AGBL3: variants seen among roughly 807,000 people sequenced by gnomAD.
The protein encoded by AGBL3 is AGBL carboxypeptidase 3, also known as cytosolic carboxypeptidase 3.
AGBL3 carries 68 observed loss-of-function variants against 94.5 expected under a neutral mutation model. The ratio of observed to expected loss-of-function variants is 0.72; its 90% CI spans 0.59 to 0.88. The LOEUF is 0.88. AGBL3 is among the 40% of genes least tolerant of loss of function. AGBL3 has a pLI of 0.00. For synonymous variants in AGBL3, 354 were observed against 370.7 expected (o/e 0.95, Z 0.52); for missense variants, 934 against 1,103.8 (o/e 0.85, Z 2.18).
At chr7:135,101,102 C>T in intron 15 of AGBL3, 1 of 448,420 alleles carries the variant, frequency 2.2e-6, no homozygotes, top group South Asian at 1.6e-5. Context: ...GACTCAGAGT[C>T]ATAGCAAAGA....
intron 7 of AGBL3, among the ~76,000 whole-genome samples, 194 bp downstream of exon 7, chr7:135,035,122 C>T (rs767632873): frequency 4.8e-4 from 23 of 48,368 alleles, no homozygotes; most frequent in Non-Finnish European, 9.3e-4. Context: ...ATTCACTAAC[C>T]TCCCCTTAAA....
intron 16 of AGBL3, among the ~76,000 whole-genome samples, chr7:135,123,212 G>A (rs55957404): frequency 0.032 from 4,801 of 152,264 alleles, 246 homozygotes; most frequent in African/African-American, 0.11. Context: ...ATGACCTGGT[G>A]GAGCTGAAAA....
intron 11 of AGBL3, among the ~76,000 whole-genome samples, chr7:135,050,820 C>A (rs1018729462): frequency 3.9e-4 from 59 of 152,030 alleles, no homozygotes; most frequent in African/African-American, 1.2e-3. Flanking sequence ...CAGGGAGTAT[C>A]TTGTAGATAG....
At chr7:135,045,192 C>G (rs1817239661) in intron 9 of AGBL3, among the ~76,000 whole-genome samples, 1 of 152,008 alleles carries the variant, frequency 6.6e-6, no homozygotes, top group Admixed American at 6.6e-5. Context: ...GTGATTATTA[C>G]CACTGTTTCT....
At chr7:135,003,173 T>G (rs1231386444) in intron 4 of AGBL3, among the ~76,000 whole-genome samples, 1 of 152,162 alleles carries the variant, frequency 6.6e-6, no homozygotes, top group Non-Finnish European at 1.5e-5. Context: ...CATTTTGATA[T>G]AAGAAGTAAA....
chr7:134,991,465 A>G (rs1176597975), intron 3 of AGBL3, among the ~76,000 whole-genome samples: 2 of 152,022 alleles, frequency 1.3e-5, no homozygotes, highest in African/African-American at 4.8e-5. Context: ...ACATATTGTC[A>G]TTTCTTAGTC....
intron 13 of AGBL3, among the ~76,000 whole-genome samples, chr7:135,079,670 G>A (rs1475524769): frequency 4.8e-5 from 7 of 145,766 alleles, no homozygotes; most frequent in African/African-American, 1.5e-4. Flanking sequence ...GTTTCACCAT[G>A]TTGGCCAGGC....
chr7:135,008,076 A>G (rs1174860096), intron 4 of AGBL3, among the ~76,000 whole-genome samples: 1 of 152,050 alleles, frequency 6.6e-6, no homozygotes, highest in Non-Finnish European at 1.5e-5. Flanking sequence ...GAATCTACAG[A>G]TTGAATGCAA....
At chr7:135,090,505 T>C (rs1244283065) in intron 15 of AGBL3, among the ~76,000 whole-genome samples, 1 of 152,084 alleles carries the variant, frequency 6.6e-6, no homozygotes, top group Non-Finnish European at 1.5e-5. Flanking sequence ...AGGGCACCGA[T>C]CCTCCAAGGG....
chr7:135,000,098 A>T (rs2133404771), intron 4 of AGBL3, among the ~76,000 whole-genome samples: 1 of 152,298 alleles, frequency 6.6e-6, no homozygotes, highest in Admixed American at 6.5e-5. Context: ...GTCCTGTATA[A>T]ACCGTTTCCA....
chr7:135,042,819 G>A (rs1156674446), intron 8 of AGBL3, among the ~76,000 whole-genome samples: 1 of 152,158 alleles, frequency 6.6e-6, no homozygotes, highest in Non-Finnish European at 1.5e-5. Flanking sequence ...ACTGAGGTAG[G>A]AAGATAGCTT....
At chr7:134,996,103 T>G (rs542467606) in intron 4 of AGBL3, among the ~76,000 whole-genome samples, 1 of 152,314 alleles carries the variant, frequency 6.6e-6, no homozygotes, top group Admixed American at 6.5e-5. Flanking sequence ...CAGAGCATTC[T>G]TCTGTGTGGC....
chr7:135,129,379 A>G (rs1441355638), intron 16 of AGBL3: 2 of 866,448 alleles, frequency 2.3e-6, no homozygotes, highest in Non-Finnish European at 2.0e-6. Context: ...GATAAGGCCA[A>G]TAAAAGACTT....
chr7:134,998,393 T>C (rs1251716567), intron 4 of AGBL3, among the ~76,000 whole-genome samples: 2 of 152,214 alleles, frequency 1.3e-5, no homozygotes, highest in South Asian at 2.1e-4. Flanking sequence ...TCTGAGCCTC[T>C]CTCAAAACAC....
chr7:135,086,460 T>C (rs1821342535), intron 15 of AGBL3, among the ~76,000 whole-genome samples: 2 of 152,048 alleles, frequency 1.3e-5, no homozygotes, highest in Admixed American at 1.3e-4. Flanking sequence ...GTTTGTCTTG[T>C]ATGGCCTTTA....
intron 3 of AGBL3, among the ~76,000 whole-genome samples, chr7:134,992,404 C>T (rs1397815277): frequency 1.3e-5 from 2 of 152,184 alleles, no homozygotes; most frequent in Non-Finnish European, 2.9e-5. Flanking sequence ...CATTTCTAAT[C>T]TTCATTTATA....
chr7:135,035,760 G>A (rs1816240908), intron 7 of AGBL3, among the ~76,000 whole-genome samples: 1 of 152,100 alleles, frequency 6.6e-6, no homozygotes, highest in Non-Finnish European at 1.5e-5. Flanking sequence ...TAATCTGTTA[G>A]AAGTAAAGTT....
intron 11 of AGBL3, among the ~76,000 whole-genome samples, chr7:135,047,799 AT>A (rs922695184): frequency 1.2e-4 from 18 of 151,464 alleles, no homozygotes; most frequent in Admixed American, 4.6e-4. Flanking sequence ...TAGTTTGCAC[AT>A]TTTTTTTCCA....
intron 13 of AGBL3, among the ~76,000 whole-genome samples, chr7:135,077,906 A>G (rs1390794293): frequency 1.3e-5 from 2 of 152,140 alleles, no homozygotes; most frequent in Admixed American, 1.3e-4. Context: ...ACCAATTATT[A>G]TTTTAGAGAG....
Sources: allele counts gnomAD v4.1 joint callset (sites outside exome capture counted in the v4.1 genomes callset), GRCh38; gene constraint gnomAD v4.1.1; transcripts MANE v1.5; gene names NCBI Gene and HGNC (gene_info 2026-07-23, HGNC 2026-07-21).